The following STAU2 variants were observed in gnomAD, a reference collection of about 807,000 sequenced individuals.
STAU2 encodes the protein double-stranded RNA-binding protein Staufen homolog 2.
Under a neutral mutation model 65.9 loss-of-function variants are expected in STAU2, and 20 were observed. The observed-to-expected ratio is 0.30, with a 90% CI of 0.21 to 0.44. The LOEUF is 0.44. STAU2 is among the 20% of genes least tolerant of loss of function. STAU2 has a pLI of 1.00. For missense variants in STAU2, 558 were observed against 683.9 expected (o/e 0.82, Z 2.05); for synonymous variants, 232 against 233.9 (o/e 0.99, Z 0.07).
At chr8:73,525,755 T>C (rs972062839) in intron 13 of STAU2, among the ~76,000 whole-genome samples, 1 of 152,180 alleles carries the variant, frequency 6.6e-6, no homozygotes, top group African/African-American at 2.4e-5. Context: ...CCAAGAGAGG[T>C]ATCCCACGCT....
intron 4 of STAU2, among the ~76,000 whole-genome samples, chr8:73,702,973 A>G (rs149651156): frequency 1.0e-3 from 156 of 152,354 alleles, no homozygotes; most frequent in African/African-American, 3.5e-3. Context: ...ATATTTTGCA[A>G]AAAAATTTGG....
chr8:73,455,868 A>T (rs1381214737), intron 13 of STAU2, among the ~76,000 whole-genome samples: 1 of 152,188 alleles, frequency 6.6e-6, no homozygotes, highest in African/African-American at 2.4e-5. Context: ...GCCCCAACAC[A>T]TAACCTAAAA....
intron 3 of STAU2, among the ~76,000 whole-genome samples, chr8:73,719,360 G>A (rs1024371485): frequency 2.0e-5 from 3 of 151,998 alleles, no homozygotes; most frequent in South Asian, 2.1e-4. Context: ...AGCCGAGATC[G>A]TGCCACTTCA....
intron 12 of STAU2, among the ~76,000 whole-genome samples, chr8:73,579,328 C>T (rs1809818185): frequency 6.6e-6 from 1 of 152,026 alleles, no homozygotes. Flanking sequence ...AAAATGCCTC[C>T]GAATAATCTT....
intron 5 of STAU2, among the ~76,000 whole-genome samples, chr8:73,683,533 C>CA (rs1818578837): frequency 6.6e-6 from 1 of 152,042 alleles, no homozygotes. Context: ...GAAAGCATTC[C>CA]CCCTGAGAAC....
chr8:73,503,541 C>CT (rs371642118), intron 13 of STAU2, among the ~76,000 whole-genome samples: 152 of 146,270 alleles, frequency 1.0e-3, no homozygotes, highest in African/African-American at 3.7e-3. Context: ...TGCCTTGATT[C>CT]TTGTTTAAAA....
At chr8:73,482,229 G>A (rs1489902802) in intron 13 of STAU2, among the ~76,000 whole-genome samples, 1 of 151,898 alleles carries the variant, frequency 6.6e-6, no homozygotes, top group Admixed American at 6.6e-5. Flanking sequence ...TGGTGAGCTG[G>A]CAGATAAACT....
intron 5 of STAU2, among the ~76,000 whole-genome samples, chr8:73,687,072 T>A (rs1268542651): frequency 6.8e-6 from 1 of 148,038 alleles, no homozygotes. Flanking sequence ...TTTGTATTTT[T>A]AGTAGAGACG....
intron 6 of STAU2, among the ~76,000 whole-genome samples, chr8:73,621,210 G>A (rs936221355): frequency 6.6e-6 from 1 of 152,076 alleles, no homozygotes; most frequent in African/African-American, 2.4e-5. Context: ...AGTGAATCAT[G>A]GGGGCGGTTT....
At chr8:73,650,038 C>A (rs759719025) in intron 6 of STAU2, among the ~76,000 whole-genome samples, 1 of 151,374 alleles carries the variant, frequency 6.6e-6, no homozygotes, top group Non-Finnish European at 1.5e-5. Context: ...TTAAGTAAAT[C>A]GCAGATTTTA....
chr8:73,493,742 G>T (rs1821259103), intron 13 of STAU2, among the ~76,000 whole-genome samples: 3 of 151,556 alleles, frequency 2.0e-5, no homozygotes, highest in Admixed American at 2.0e-4. Context: ...CCACCTCTAG[G>T]GATTGATGCA....
chr8:73,716,224 G>A (rs1369622191), intron 3 of STAU2, among the ~76,000 whole-genome samples: 1 of 152,088 alleles, frequency 6.6e-6, no homozygotes, highest in Non-Finnish European at 1.5e-5. Context: ...AAGTAGCTGG[G>A]ACTACAGGCG....
chr8:73,516,096 A>T (rs4738379), intron 13 of STAU2, among the ~76,000 whole-genome samples: 1 of 151,526 alleles, frequency 6.6e-6, no homozygotes, highest in Admixed American at 6.6e-5. Flanking sequence ...ACCATGCCCA[A>T]CTAATTTTTT....
intron 13 of STAU2, among the ~76,000 whole-genome samples, chr8:73,461,062 G>T (rs1341862107): frequency 1.3e-5 from 2 of 152,124 alleles, no homozygotes; most frequent in East Asian, 3.8e-4. Flanking sequence ...CGAATGTATT[G>T]GGTAGTGGGT....
intron 13 of STAU2, among the ~76,000 whole-genome samples, chr8:73,471,239 C>T (rs1819993449): frequency 6.8e-6 from 1 of 147,328 alleles, no homozygotes; most frequent in Admixed American, 6.9e-5. Context: ...ATGGCACAAT[C>T]AGGGCTCACT....
At chr8:73,693,610 TCAA>T (rs2130557480) in intron 4 of STAU2, among the ~76,000 whole-genome samples, 1 of 152,090 alleles carries the variant, frequency 6.6e-6, no homozygotes, top group African/African-American at 2.4e-5. Context: ...TGTAAAACCA[TCAA>T]CATGAACATT....
intron 4 of STAU2, among the ~76,000 whole-genome samples, chr8:73,707,654 G>C (rs1404973590): frequency 6.6e-6 from 1 of 152,088 alleles, no homozygotes; most frequent in African/African-American, 2.4e-5. Flanking sequence ...CTGTCTCAAG[G>C]AAGAATACCT....
intron 13 of STAU2, among the ~76,000 whole-genome samples, chr8:73,442,194 A>T (rs918313263): frequency 1.3e-5 from 2 of 151,946 alleles, no homozygotes; most frequent in African/African-American, 4.8e-5. Flanking sequence ...CTCTACTAAA[A>T]ATACAAAAAA....
chr8:73,553,110 T>G (rs928406138), intron 12 of STAU2, among the ~76,000 whole-genome samples: 1 of 152,232 alleles, frequency 6.6e-6, no homozygotes, highest in Non-Finnish European at 1.5e-5. Flanking sequence ...TGATGGAGCT[T>G]AAACCATATT....
Sources: gnomAD v4.1 joint callset for allele counts (sites outside exome capture counted in the v4.1 genomes callset) on GRCh38, gnomAD v4.1.1 for gene constraint, MANE v1.5 for transcripts, NCBI Gene and HGNC (gene_info 2026-07-23, HGNC 2026-07-21) for gene names.